RIN3: variants seen among roughly 807,000 people sequenced by gnomAD.
The protein encoded by RIN3 is Ras and Rab interactor 3.
RIN3 carries 54 observed loss-of-function variants against 76.3 expected under a neutral mutation model. The ratio of observed to expected loss-of-function variants is 0.71; its 90% CI spans 0.57 to 0.89. The LOEUF is 0.89. Ranked by LOEUF, RIN3 falls within the 40% of genes least tolerant of loss-of-function variation. The pLI, the probability that RIN3 is intolerant of heterozygous loss-of-function variation, is 0.00. For synonymous variants in RIN3, 576 were observed against 564.0 expected, an observed-to-expected ratio of 1.02 and a Z score of -0.30; for missense variants, 1,256 against 1,322.1, an observed-to-expected ratio of 0.95 and a Z score of 0.78.
At chr14:92,543,824 T>A (rs1186749294) in intron 1 of RIN3, among the ~76,000 whole-genome samples, 2 of 151,892 alleles carry the variant, frequency 1.3e-5, no homozygotes, top group African/African-American at 4.8e-5. Context: ...CATTTACTTA[T>A]TCATTGTCCT....
chr14:92,655,356 AAGAGACAG>A (rs900539392), intron 6 of RIN3, among the ~76,000 whole-genome samples: 13 of 152,204 alleles, frequency 8.5e-5, no homozygotes, highest in African/African-American at 2.6e-4. Context: ...TCAAGAAGGA[AAGAGACAG>A]AGAGACAGAG....
At chr14:92,650,133 T>A (rs1887356715) in intron 5 of RIN3, among the ~76,000 whole-genome samples, 1 of 152,206 alleles carries the variant, frequency 6.6e-6, no homozygotes, top group Admixed American at 6.5e-5. Flanking sequence ...CATCCTGAGT[T>A]CTGGGCTGCA....
At position 92,514,540 on chromosome 14, in the gene RIN3, C is replaced by T. The variant is rs982891064; in HGVS notation, c.44+564C>T. Among the ~76,000 whole-genome samples, 1 of 152,256 alleles carries T rather than the reference C, an allele frequency of 6.6e-6. No individual in the cohort carries two copies. The highest frequency in any genetic ancestry group is 1.5e-5 in the Non-Finnish European group (1 of 68,042). On this transcript the variant is annotated intron_variant, in intron 1 of 9. Coordinates refer to ENST00000216487, the MANE Select transcript of RIN3 (RefSeq NM_024832.5). This position sits in a 1 kb window ranked among gnomAD's most constrained non-coding sequence, Gnocchi z 7.2. The stretch of plus-strand genomic sequence containing the variant: ...ACTGGGCCCTTTTCCCGCCGCCCCT[C>T]TGCCCTGGCCGTAGACGGTGACCTT...
At chr14:92,636,288 A>G (rs1287955691) in intron 4 of RIN3, among the ~76,000 whole-genome samples, 2 of 152,206 alleles carry the variant, frequency 1.3e-5, no homozygotes, top group African/African-American at 4.8e-5. Context: ...ATGACCATCA[A>G]AAGAAGAAAA....
chr14:92,560,836 T>A (rs1209447577), intron 2 of RIN3, among the ~76,000 whole-genome samples: 1 of 150,934 alleles, frequency 6.6e-6, no homozygotes. Context: ...CTGGTCAACA[T>A]GATGAAACCA....
In RIN3 at chr14:92,676,563, G is replaced by A. The variant is rs900808939; in HGVS notation, c.2424G>A (p.Glu808=). ...TCACGGAGATGCTTCTCAATGTGGA[G>A]TACATGATGGAGCTCATGGACCCCG... ...SNLTEMLLNV[E]YMMELMDPAL... Residue 808 remains glutamate (E), a synonymous_variant, in exon 8 of 10, where the codon GAG becomes GAA. Coordinates refer to ENST00000216487, the MANE Select transcript of RIN3 (RefSeq NM_024832.5). 1.9e-6 allele frequency: 3 copies of A among 1,613,954 alleles called. No individual in the cohort carries two copies. In the African/African-American group the frequency reaches 4.0e-5, roughly 22 times the overall value.
intron 2 of RIN3, among the ~76,000 whole-genome samples, chr14:92,559,144 G>A (rs1238196424): frequency 6.6e-6 from 1 of 152,132 alleles, no homozygotes; most frequent in Non-Finnish European, 1.5e-5. Flanking sequence ...TGGCATTACA[G>A]GTGTGAGCCA....
At position 92,651,990 on chromosome 14, in the gene RIN3, C is replaced by A; in HGVS notation, c.941C>A (p.Ser314Tyr). The A allele has an allele frequency of 6.6e-7, 1 of 1,516,854 alleles. No homozygotes were observed. The highest frequency in any genetic ancestry group is 9.0e-7 in the Non-Finnish European group (1 of 1,111,332). The allele number at this position is 1,516,854 out of a possible 1,614,324, so 94.0% of individuals were successfully genotyped here. A position where few individuals can be genotyped will look rare whatever the true frequency, so the allele number is the denominator to read the frequency against. Reference sequence around the variant, plus strand: ...GCCCCTGCCTGTCCTTTGCCCACCTCTCCCCCAGTGCCTGCCCCCCACGTC... The same window carrying A: ...GCCCCTGCCTGTCCTTTGCCCACCTATCCCCCAGTGCCTGCCCCCCACGTC... ...APAPACPLPT[S>Y]PPVPAPHVTP... The change falls in exon 6 of 10, where the codon TCT becomes TAT. Residue 314 changes from serine (S) to tyrosine (Y), a missense_variant. Ser to Tyr is a moderately radical substitution (Grantham distance 144). Transcript: ENST00000216487.
intron 1 of RIN3, among the ~76,000 whole-genome samples, chr14:92,546,098 T>C (rs557497958): frequency 2.0e-5 from 3 of 152,242 alleles, no homozygotes; most frequent in East Asian, 3.9e-4. Flanking sequence ...GTAATTTTTG[T>C]ATTTTTAGTA....
chr14:92,572,162 G>A (rs997875846), intron 2 of RIN3, among the ~76,000 whole-genome samples: 17 of 152,194 alleles, frequency 1.1e-4, no homozygotes, highest in African/African-American at 3.1e-4. Flanking sequence ...TCTTGTGTCC[G>A]TCCCTTCTCC....
chr14:92,569,633 C>T (rs1289888537), intron 2 of RIN3, among the ~76,000 whole-genome samples: 1 of 151,702 alleles, frequency 6.6e-6, no homozygotes, highest in Non-Finnish European at 1.5e-5. Flanking sequence ...GAACAGGGTC[C>T]ATGTCCGAAC....
chr14:92,569,940 C>T (rs1349546285), intron 2 of RIN3, among the ~76,000 whole-genome samples: 1 of 152,188 alleles, frequency 6.6e-6, no homozygotes, highest in Non-Finnish European at 1.5e-5. Context: ...TCTTCTGTTT[C>T]ATTCTGGAAA....
At chr14:92,650,533 G>T (rs2402173) in intron 5 of RIN3, among the ~76,000 whole-genome samples, 1 of 152,164 alleles carries the variant, frequency 6.6e-6, no homozygotes, top group Non-Finnish European at 1.5e-5. Context: ...TGGGTGAAAG[G>T]CTGGCTGCAC....
intron 1 of RIN3, chr14:92,515,559 A>G: frequency 2.5e-6 from 1 of 406,168 alleles, no homozygotes; most frequent in Non-Finnish European, 4.4e-6. Flanking sequence ...AGTTGAATAC[A>G]TTAGACTATA....
chr14:92,613,081 G>A (rs1885809138), intron 3 of RIN3, among the ~76,000 whole-genome samples: 1 of 152,244 alleles, frequency 6.6e-6, no homozygotes, highest in Non-Finnish European at 1.5e-5. Context: ...GAGTATGCCT[G>A]GTATGTAGGC....
intron 6 of RIN3, among the ~76,000 whole-genome samples, chr14:92,653,657 A>T (rs1313414928): frequency 1.3e-5 from 2 of 152,174 alleles, no homozygotes; most frequent in Admixed American, 6.5e-5. Context: ...TCCAATAATT[A>T]TCAAAGCTTT....
chr14:92,559,980 C>T (rs1897714746), intron 2 of RIN3, among the ~76,000 whole-genome samples: 1 of 152,220 alleles, frequency 6.6e-6, no homozygotes, highest in South Asian at 2.1e-4. Flanking sequence ...TGAATGAGGA[C>T]AGCAGGTGTG....
At position 92,576,424 on chromosome 14, in the gene RIN3, T is replaced by A. The variant is rs1241488891; in HGVS notation, c.250-936T>A. On this transcript the variant is annotated intron_variant, in intron 2 of 9. Coordinates refer to ENST00000216487, the MANE Select transcript of RIN3 (RefSeq NM_024832.5). ...AGAGCACAGCTGCGTCCTCACAGCCTAGAGCCATGGTTTTATCAGAAGAGA... is the reference window on the plus strand; with the variant it reads ...AGAGCACAGCTGCGTCCTCACAGCCAAGAGCCATGGTTTTATCAGAAGAGA... The A allele has an allele frequency of 2.3e-6, 3 of 1,286,256 alleles. No individual in the cohort carries two copies. In the South Asian group the frequency reaches 3.7e-5, roughly 16 times the overall value. 79.7% of individuals were successfully genotyped at this position (1,286,256 alleles called of 1,614,324 possible). A position where few individuals can be genotyped will look rare whatever the true frequency, so the allele number is the denominator to read the frequency against.
intron 4 of RIN3, among the ~76,000 whole-genome samples, chr14:92,636,182 G>A (rs1886768460): frequency 6.6e-6 from 1 of 152,148 alleles, no homozygotes; most frequent in Non-Finnish European, 1.5e-5. Flanking sequence ...CACTTAGTAA[G>A]CTCTGTAATG....
Sources: gnomAD v4.1 joint callset for allele counts (sites outside exome capture counted in the v4.1 genomes callset) on GRCh38, gnomAD v4.1.1 for gene constraint, Gnocchi (gnomAD v3.1) non-coding constraint, MANE v1.5 for transcripts, NCBI Gene and HGNC (gene_info 2026-07-23, HGNC 2026-07-21) for gene names.